RPN2: variants seen among roughly 807,000 people sequenced by gnomAD.
RPN2 encodes dolichyl-diphosphooligosaccharide--protein glycosyltransferase subunit 2.
In RPN2, 29 loss-of-function variants were observed where a neutral mutation model predicts 71.4. That is an observed-to-expected ratio of 0.41 (90% CI 0.30 to 0.55). The LOEUF is 0.55. Among genes scored for constraint, RPN2 ranks in the 20% least tolerant of loss-of-function variants. The pLI is 0.35. For synonymous variants in RPN2, 308 were observed against 305.0 expected (o/e 1.01, Z -0.10); for missense variants, 726 against 774.1 (o/e 0.94, Z 0.74).
At position 37,207,355 on chromosome 20, in the gene RPN2, C is replaced by T; in HGVS notation, c.773C>T (p.Ala258Val). 1.9e-6 allele frequency: 3 copies of T among 1,613,958 alleles called. No individual in the cohort carries two copies. Residue 258 changes from alanine to valine, a missense_variant, in exon 7 of 17, where the codon GCA becomes GTA. Ala to Val is a moderately conservative substitution (Grantham distance 64, BLOSUM62 0). Transcript: ENST00000237530. ...SLSEAFSVAS[A>V]AAVLSHNRYH... The stretch of plus-strand genomic sequence containing the variant: ...TCCGAAGCCTTCAGCGTGGCCTCTG[C>T]AGCTGCTGTGCTCTCGCATAATCGC...
At chr20:37,192,338 A>C (rs2067159776) in intron 2 of RPN2, among the ~76,000 whole-genome samples, 1 of 152,216 alleles carries the variant, frequency 6.6e-6, no homozygotes, top group South Asian at 2.1e-4. Flanking sequence ...ACATTGTGCT[A>C]AGTGCAGAGA....
chr20:37,211,710 A>G (rs1384448509), intron 8 of RPN2, among the ~76,000 whole-genome samples: 1 of 149,170 alleles, frequency 6.7e-6, no homozygotes, highest in Non-Finnish European at 1.5e-5. Context: ...TTTTTTTTAT[A>G]GGATTAAATA....
intron 2 of RPN2, among the ~76,000 whole-genome samples, chr20:37,185,436 G>C (rs2066986529): frequency 6.6e-6 from 1 of 151,816 alleles, no homozygotes; most frequent in Non-Finnish European, 1.5e-5. Context: ...CACCTGACCA[G>C]GAACAGTCTT....
At chr20:37,228,178 C>A (rs1003963668) in intron 11 of RPN2, among the ~76,000 whole-genome samples, 1 of 152,192 alleles carries the variant, frequency 6.6e-6, no homozygotes, top group African/African-American at 2.4e-5. Flanking sequence ...ACCTCATTTC[C>A]TTTCTTTTCA....
Position 37,184,186 on chromosome 20 carries a change from G to A in RPN2, c.20G>A (p.Ser7Asn), listed in dbSNP as rs1381342244. The part of the protein sequence containing the change: MAPPGS[S>N]TVFLLALTII... ...ATGGTTGTTTCCCCCCAAGGTTCAA[G>A]CACTGTCTTCCTGTTGGCCCTGACA... is the stretch of plus-strand genomic sequence containing the variant. The change falls in exon 2 of 17, where the codon AGC becomes AAC. Residue 7 changes from serine to asparagine, a missense_variant. Ser to Asn is a conservative substitution (Grantham distance 46). Coordinates refer to ENST00000237530, the MANE Select transcript of RPN2 (RefSeq NM_002951.5). 6 of 1,614,176 alleles carry A rather than the reference G, an allele frequency of 3.7e-6. No individual in the cohort carries two copies. In the African/African-American group the frequency reaches 8.0e-5, roughly 22 times the overall value.
At position 37,228,673 on chromosome 20, in the gene RPN2, G is replaced by A. The variant is rs772179553; in HGVS notation, c.1423G>A (p.Ala475Thr). Residue 475 changes from alanine to threonine, a missense_variant, in exon 12 of 17, where the codon GCC (alanine) becomes ACC (threonine). Transcript: ENST00000237530. ...TSERKIEFDSASGTYTLYLII... is the reference protein window; with the variant it reads ...TSERKIEFDSTSGTYTLYLII... The stretch of plus-strand genomic sequence containing the variant: ...TGAAAGAAAGATTGAATTTGACTCT[G>A]CCTCTGGCACCTACACTCTCTACTT... The A allele has an allele frequency of 6.2e-7, 1 of 1,614,152 alleles. No individual in the cohort carries two copies. The highest frequency in any genetic ancestry group is 1.1e-5 in the South Asian group (1 of 91,082).
intron 10 of RPN2, 72 bp from the exon 11 acceptor site, chr20:37,225,616 G>GTA: frequency 1.0e-6 from 1 of 958,722 alleles, no homozygotes; most frequent in South Asian, 1.3e-5. Context: ...ATGAAGTGAA[G>GTA]TATATATTTT....
At chr20:37,204,684 T>C in intron 5 of RPN2, 83 bp from the exon 6 acceptor site, 1 of 1,432,210 alleles carries the variant, frequency 7.0e-7, no homozygotes, top group Non-Finnish European at 9.9e-7. Flanking sequence ...CACGAAGCTG[T>C]CTGCAGTGGG....
rs141660626 is a variant in RPN2 at position 37,229,317 on chromosome 20, G to A, written c.1494+573G>A. 4.3e-3 allele frequency among the ~76,000 whole-genome samples: 651 copies of A among 152,330 alleles called. 1 individual carries two copies. Among genetic ancestry groups the A allele is most frequent in the Non-Finnish European group, 6.9e-3 (471 of 68,024 alleles). ...CAGGGCATTTGAGCAAGGGGTTGAA[G>A]AATGGCAAGGGTTTATCAGATCTGG... On this transcript the variant is annotated intron_variant, in intron 12 of 16. Transcript: ENST00000237530.
intron 1 of RPN2, among the ~76,000 whole-genome samples, chr20:37,179,904 A>C (rs868068110): frequency 6.6e-6 from 1 of 152,246 alleles, no homozygotes; most frequent in Non-Finnish European, 1.5e-5. Flanking sequence ...AAAGCAGGTT[A>C]CTTAACCCCT....
At chr20:37,196,302 C>T (rs111635170) in intron 2 of RPN2, among the ~76,000 whole-genome samples, 3,265 of 152,170 alleles carry the variant, frequency 0.021, 53 homozygotes, top group Middle Eastern at 0.034. Context: ...GATCTTGGCT[C>T]ACTGCAAGCT....
chr20:37,179,968 C>G (rs529099060), intron 1 of RPN2, among the ~76,000 whole-genome samples: 1 of 152,336 alleles, frequency 6.6e-6, no homozygotes, highest in East Asian at 1.9e-4. Context: ...GTCACGTTAT[C>G]TGCCTCGTTG....
In RPN2 at chr20:37,218,662, A is replaced by T. The variant is rs538923301; in HGVS notation, c.1092+4797A>T. 2.0e-5 allele frequency among the ~76,000 whole-genome samples: 3 copies of T among 151,982 alleles called. 1 individual carries two copies. The highest frequency in any genetic ancestry group is 7.2e-5 in the African/African-American group (3 of 41,470). Reference sequence around the variant, plus strand: ...AATATATTTATCACCCTGGAGAGCAATGCTATATCTTTTAGTGGGCACTCC... The same window carrying T: ...AATATATTTATCACCCTGGAGAGCATTGCTATATCTTTTAGTGGGCACTCC... On this transcript the variant is annotated intron_variant, in intron 9 of 16. Coordinates refer to ENST00000237530, the MANE Select transcript of RPN2 (RefSeq NM_002951.5).
intron 2 of RPN2, 104 bp from the exon 3 acceptor site, chr20:37,198,293 T>G (rs1337951166): frequency 6.3e-7 from 1 of 1,589,708 alleles, no homozygotes; most frequent in Admixed American, 1.7e-5. Context: ...AGCTCATTCC[T>G]TAAGCCATCT....
In RPN2 at chr20:37,184,079, C is replaced by T. The variant is rs536913734; in HGVS notation, c.14-101C>T. ...ACCCCTGGATTCCCTCGCCCTTCCC[C>T]ATGTGATTTGGTTCCCAGATCTTGG... On this transcript the variant is annotated intron_variant, in intron 1 of 16. Coordinates refer to ENST00000237530, the MANE Select transcript of RPN2 (RefSeq NM_002951.5). 4.0e-4 allele frequency: 560 copies of T among 1,397,692 alleles called. 2 individuals carry two copies. The highest frequency in any genetic ancestry group is 1.4e-3 in the South Asian group (117 of 85,946). The allele number at this position is 1,397,692 out of a possible 1,614,324, so 86.6% of individuals were successfully genotyped here. A position where few individuals can be genotyped will look rare whatever the true frequency, so the allele number is the denominator to read the frequency against.
intron 2 of RPN2, among the ~76,000 whole-genome samples, chr20:37,186,574 A>C (rs568413758): frequency 2.0e-5 from 3 of 152,170 alleles, no homozygotes; most frequent in Non-Finnish European, 4.4e-5. Flanking sequence ...CGGCCTCTCA[A>C]AGTGTTGGGA....
rs1297965327 is a variant in RPN2, at chr20:37,210,290, C to T, written c.986+125C>T. 4 of 1,535,088 alleles carry T rather than the reference C, an allele frequency of 2.6e-6. No homozygotes were observed. In the East Asian group the frequency reaches 9.1e-5, roughly 35 times the overall value. On this transcript the variant is annotated intron_variant, in intron 8 of 16. Transcript: ENST00000237530. ...TTGATCTACTGGTATCGAAAGCCTA[C>T]AGTCGAATGTAAGAAAATGATTTTT...
chr20:37,184,049 G>T (rs1568957733), intron 1 of RPN2, 131 bp from the exon 2 acceptor site: 3 of 1,094,638 alleles, frequency 2.7e-6, no homozygotes, highest in East Asian at 2.4e-5. Flanking sequence ...TTCTCCTCAG[G>T]TTAAACCCCT....
At position 37,224,388 on chromosome 20, in the gene RPN2, T is replaced by C. The variant is rs573242914; in HGVS notation, c.1184+419T>C. On this transcript the variant is annotated intron_variant, in intron 10 of 16. Coordinates refer to ENST00000237530, the MANE Select transcript of RPN2 (RefSeq NM_002951.5). ...CTTATCATCACAGTCCTGAATTTGC[T>C]TTTAGTGACCTAATGGCAAGTCTCT... 2.0e-5 allele frequency among the ~76,000 whole-genome samples: 3 copies of C among 152,320 alleles called. 1 individual carries two copies. The highest frequency in any genetic ancestry group is 7.2e-5 in the African/African-American group (3 of 41,566).
Sources: allele counts gnomAD v4.1 joint callset (sites outside exome capture counted in the v4.1 genomes callset), GRCh38; gene constraint gnomAD v4.1.1; transcripts MANE v1.5; gene names NCBI Gene and HGNC (gene_info 2026-07-23, HGNC 2026-07-21).